The following OR6B1 variants were observed in gnomAD, a reference collection of about 807,000 sequenced individuals.
The protein encoded by OR6B1 is olfactory receptor 6B1.
In OR6B1, 15 loss-of-function variants were observed where a neutral mutation model predicts 15.4. The observed-to-expected ratio is 0.97, with a 90% confidence interval of 0.65 to 1.50. The LOEUF (loss-of-function observed/expected upper bound fraction) is 1.50, where lower values mean the gene tolerates loss of function less well. OR6B1 is among the 40% of genes most tolerant of loss of function. The probability of loss-of-function intolerance (pLI) is 0.00; values close to 1 mark genes in which losing one functional copy is unlikely to be tolerated. For synonymous variants in OR6B1, 139 were observed against 144.9 expected (o/e 0.96, Z 0.29); for missense variants, 384 against 385.0 (o/e 1.00, Z 0.02).
chr7:144,003,948 G>A (rs1222699685), intron 1 of OR6B1, 24 bp from the exon 2 acceptor site: 3 of 1,306,752 alleles, frequency 2.3e-6, no homozygotes, highest in Admixed American at 2.0e-5. Context: ...CATGGAGTCT[G>A]ATCAAATGAT....
chr7:144,000,914 T>C lies in OR6B1; in HGVS notation c.-26+264T>C, dbSNP rs144734054. Among the ~76,000 whole-genome samples, 150 of 152,278 alleles carry C rather than the reference T, an allele frequency of 9.9e-4. 1 individual carries two copies. Among genetic ancestry groups the C allele is most frequent in the African/African-American group, 3.3e-3 (136 of 41,560 alleles). ...GGGATCAAAAATTAGTGCCCCAGAT[T>C]ATGATCCCAAACTTTAGATCCCTAC... On this transcript the variant is annotated intron_variant, in intron 1 of 1. Transcript: ENST00000641698.
At chr7:144,003,450 G>A (rs1308288798) in intron 1 of OR6B1, among the ~76,000 whole-genome samples, 3 of 152,064 alleles carry the variant, frequency 2.0e-5, no homozygotes, top group African/African-American at 4.8e-5. Context: ...CCAAATCTCT[G>A]CTACTCACTT....
intron 1 of OR6B1, among the ~76,000 whole-genome samples, chr7:144,001,605 A>G (rs1465029613): frequency 1.3e-5 from 2 of 152,216 alleles, no homozygotes; most frequent in African/African-American, 4.8e-5. Context: ...CTGCTGACAA[A>G]CAGTGATTAC....
Position 144,004,536 on chromosome 7 carries a change from CATCTCTCCAGTACTTA to C in OR6B1, c.549_564del (p.Val184AlafsTer6). 1 of 1,614,236 alleles carries C rather than the reference CATCTCTCCAGTACTTA, an allele frequency of 6.2e-7. No homozygotes were observed. The highest frequency in any genetic ancestry group is 8.5e-7 in the Non-Finnish European group (1 of 1,180,042). ...ATGTCATCAACCACTTCTTCTGTGA[CATCTCTCCAGTACTTA>C]ATCTCTCCTGCACAGACATGTCCAT... On this transcript the variant is annotated frameshift_variant, in exon 2 of 2. Transcript: ENST00000641698. LOFTEE classifies it high-confidence loss of function.
rs919361226 is a variant in OR6B1, at chr7:144,007,309, A to C, written c.*2377A>C. Reference sequence around the variant, plus strand: ...CAGAGAAAATAATGTATAGTGGATTACTGGTTAAATTCACATAGAAACAAG... The same window carrying C: ...CAGAGAAAATAATGTATAGTGGATTCCTGGTTAAATTCACATAGAAACAAG... On this transcript the variant is annotated 3_prime_UTR_variant, in exon 2 of 2. Transcript: ENST00000641698. 4 of 152,156 alleles carry C rather than the reference A, an allele frequency of 2.6e-5. No homozygotes were observed. The highest frequency in any genetic ancestry group is 1.3e-4 in the Admixed American group (2 of 15,280). 9.4% of individuals were successfully genotyped at this position (152,156 alleles called of 1,614,324 possible).
At position 144,003,973 on chromosome 7, in the gene OR6B1, A is replaced by G; in HGVS notation, c.-24A>G. 2 of 1,540,362 alleles carry G rather than the reference A, an allele frequency of 1.3e-6. No individual in the cohort carries two copies. Among genetic ancestry groups the G allele is most frequent in the Non-Finnish European group, 1.8e-6 (2 of 1,129,272 alleles). On this transcript the variant is annotated splice_region_variant and 5_prime_UTR_variant, in exon 2 of 2. Transcript: ENST00000641698. ...GATCAAATGATTTTTCCTCCCCAGG[A>G]GAGCTAAGCCCTGTGTCTCCAATAT...
At position 144,004,067 on chromosome 7, in the gene OR6B1, G is replaced by A. The variant is rs375787820; in HGVS notation, c.71G>A (p.Arg24Gln). The change falls in exon 2 of 2, where the codon CGG (arginine) becomes CAG (glutamine). Residue 24 changes from arginine to glutamine, a missense_variant. Coordinates refer to ENST00000641698, the MANE Select transcript of OR6B1 (RefSeq NM_001005281.3). Reference protein sequence around the residue: ...LVGFPGSLSMRAAMFLIFLVA... With the variant: ...LVGFPGSLSMQAAMFLIFLVA... ...GGATTCCCTGGGAGCTTGAGTATGCGGGCAGCCATGTTTCTGATATTCCTT... is the reference window on the plus strand; with the variant it reads ...GGATTCCCTGGGAGCTTGAGTATGCAGGCAGCCATGTTTCTGATATTCCTT... 55 of 1,613,872 alleles carry A rather than the reference G, an allele frequency of 3.4e-5. No individual in the cohort carries two copies. The highest frequency in any genetic ancestry group is 1.6e-4 in the Middle Eastern group (1 of 6,078).
chr7:144,003,144 C>CTTGG (rs2050595342), intron 1 of OR6B1, among the ~76,000 whole-genome samples: 2 of 152,144 alleles, frequency 1.3e-5, no homozygotes, highest in Admixed American at 6.6e-5. Context: ...ATGGCTTTGC[C>CTTGG]TTGGATCACA....
chr7:144,005,345 C>G lies in OR6B1; in HGVS notation c.*413C>G, dbSNP rs2050617670. On this transcript the variant is annotated 3_prime_UTR_variant, in exon 2 of 2. Transcript: ENST00000641698. ...GAGGTAGCAACTCCCTCAACAGTCT[C>G]ATTCTTGATGTTCTGGGAGTGAATT... 6.2e-6 allele frequency: 1 copy of G among 160,030 alleles called. No individual in the cohort carries two copies. The highest frequency in any genetic ancestry group is 6.2e-5 in the Admixed American group (1 of 16,164). The allele number at this position is 160,030 out of a possible 1,614,324, so 9.9% of individuals were successfully genotyped here. A position where few individuals can be genotyped will look rare whatever the true frequency, so the allele number is the denominator to read the frequency against.
At chr7:144,003,773 T>TCTCACACACACACA (rs1554405844) in intron 1 of OR6B1, among the ~76,000 whole-genome samples, 199 bp from the exon 2 acceptor site, 6 of 140,128 alleles carry the variant, frequency 4.3e-5, no homozygotes, top group African/African-American at 1.6e-4. Flanking sequence ...ACAGATACAA[T>TCTCACACACACACA]CACACACACA....
At position 144,005,003 on chromosome 7, in the gene OR6B1, A is replaced by C; in HGVS notation, c.*71A>C. 5 of 1,091,372 alleles carry C rather than the reference A, an allele frequency of 4.6e-6. No individual in the cohort carries two copies. Among genetic ancestry groups the C allele is most frequent in the Non-Finnish European group, 5.2e-6 (4 of 768,212 alleles). The allele number at this position is 1,091,372 out of a possible 1,614,324, so 67.6% of individuals were successfully genotyped here. ...TGTCTTCCTCCATCCTTTCTCCTTT[A>C]ACGACTCAGTTAGGACACTGCCCAT... On this transcript the variant is annotated 3_prime_UTR_variant, in exon 2 of 2. Transcript: ENST00000641698.
chr7:144,008,307 A>G lies in OR6B1; in HGVS notation c.*3375A>G, dbSNP rs1298138418. The G allele has an allele frequency of 1.3e-5, 2 of 152,172 alleles. No individual in the cohort carries two copies. The highest frequency in any genetic ancestry group is 2.9e-5 in the Non-Finnish European group (2 of 68,064). 9.4% of individuals were successfully genotyped at this position (152,172 alleles called of 1,614,324 possible). ...CACAGAATCACCAAGTGAGGAAGAA[A>G]TGTTTGAGCAAAAACCTGGAGAAGC... On this transcript the variant is annotated 3_prime_UTR_variant, in exon 2 of 2. Coordinates refer to ENST00000641698, the MANE Select transcript of OR6B1 (RefSeq NM_001005281.3).
Position 144,006,288 on chromosome 7 carries a change from C to A in OR6B1, c.*1356C>A, listed in dbSNP as rs2050623694. 6.6e-6 allele frequency: 1 copy of A among 152,060 alleles called. No individual in the cohort carries two copies. Among genetic ancestry groups the A allele is most frequent in the African/African-American group, 2.4e-5 (1 of 41,388 alleles). 9.4% of individuals were successfully genotyped at this position (152,060 alleles called of 1,614,324 possible). On this transcript the variant is annotated 3_prime_UTR_variant, in exon 2 of 2. Transcript: ENST00000641698. ...TCTTTCTCTAGTGAATGGGCTCTCC[C>A]TAGAGAGAAAACATACTTCTTTAGA... is the stretch of plus-strand genomic sequence containing the variant.
Position 144,006,072 on chromosome 7 carries a change from CT to C in OR6B1, c.*1144del, listed in dbSNP as rs1448211537. ...GGAGAGTTTCTTGCATTAATAACAT[CT>C]TTTAGCTAAGAACAAACCACACTTT... On this transcript the variant is annotated 3_prime_UTR_variant, in exon 2 of 2. Transcript: ENST00000641698. The C allele has an allele frequency of 6.6e-6, 1 of 152,206 alleles. No individual in the cohort carries two copies. The highest frequency in any genetic ancestry group is 1.9e-4 in the East Asian group (1 of 5,200). 9.4% of individuals were successfully genotyped at this position (152,206 alleles called of 1,614,324 possible). A position where few individuals can be genotyped will look rare whatever the true frequency, so the allele number is the denominator to read the frequency against.
At position 144,007,674 on chromosome 7, in the gene OR6B1, TTGTGTGTGTG is replaced by T. The variant is rs1554406245; in HGVS notation, c.*2756_*2765del. The T allele has an allele frequency of 6.7e-6, 1 of 149,736 alleles. No homozygotes were observed. The highest frequency in any genetic ancestry group is 1.5e-5 in the Non-Finnish European group (1 of 67,246). 9.3% of individuals were successfully genotyped at this position (149,736 alleles called of 1,614,324 possible). On this transcript the variant is annotated 3_prime_UTR_variant, in exon 2 of 2. Coordinates refer to ENST00000641698, the MANE Select transcript of OR6B1 (RefSeq NM_001005281.3). ...CAGAAACAGATAGCAGATAATACCT[TTGTGTGTGTG>T]TGTGTGTGTGTGTATACATATATAT...
intron 1 of OR6B1, 172 bp from the exon 2 acceptor site, chr7:144,003,800 C>CACACAT (rs1332485948): frequency 8.4e-6 from 5 of 592,940 alleles, no homozygotes; most frequent in Non-Finnish European, 1.5e-5. Flanking sequence ...CACACACACA[C>CACACAT]ACACACACAC....
In OR6B1 at chr7:144,004,802, A is replaced by G; in HGVS notation, c.806A>G (p.Asn269Ser). ...RPRVIHAFNM[N>S]KIISIFYAIV... ...CGAGTTATCCATGCCTTCAACATGA[A>G]CAAAATTATTTCCATCTTCTATGCC... Residue 269 changes from asparagine (N) to serine (S), a missense_variant, in exon 2 of 2, where the codon AAC (asparagine) becomes AGC (serine). Coordinates refer to ENST00000641698, the MANE Select transcript of OR6B1 (RefSeq NM_001005281.3). The G allele has an allele frequency of 6.2e-7, 1 of 1,614,050 alleles. No individual in the cohort carries two copies. Among genetic ancestry groups the G allele is most frequent in the Non-Finnish European group, 8.5e-7 (1 of 1,180,002 alleles).
rs150452137 is a variant in OR6B1 at position 144,007,674 on chromosome 7, T to TTCTG, written c.*2743_*2744insCTGT. 52,151 of 149,702 alleles carry TTCTG rather than the reference T, an allele frequency of 0.35. 9,329 individuals carry two copies. Among genetic ancestry groups the TTCTG allele is most frequent in the East Asian group, 0.55 (2,831 of 5,120 alleles). The allele number at this position is 149,702 out of a possible 1,614,324, so 9.3% of individuals were successfully genotyped here. A position where few individuals can be genotyped will look rare whatever the true frequency, so the allele number is the denominator to read the frequency against. On this transcript the variant is annotated 3_prime_UTR_variant, in exon 2 of 2. Coordinates refer to ENST00000641698, the MANE Select transcript of OR6B1 (RefSeq NM_001005281.3). ...CAGAAACAGATAGCAGATAATACCT[T>TTCTG]TGTGTGTGTGTGTGTGTGTGTGTAT... is the stretch of plus-strand genomic sequence containing the variant.
rs1448756400 is a variant in OR6B1, at chr7:144,006,803, CT to C, written c.*1875del. ...TGTGACCTTGGCCAAACCATCTATACTTTTGGAAACACTGAGTCTTTATGTG... is the reference window on the plus strand; with the variant it reads ...TGTGACCTTGGCCAAACCATCTATACTTTGGAAACACTGAGTCTTTATGTG... On this transcript the variant is annotated 3_prime_UTR_variant, in exon 2 of 2. Transcript: ENST00000641698. 6.6e-6 allele frequency: 1 copy of C among 152,182 alleles called. No homozygotes were observed. Among genetic ancestry groups the C allele is most frequent in the Non-Finnish European group, 1.5e-5 (1 of 68,026 alleles). 9.4% of individuals were successfully genotyped at this position (152,182 alleles called of 1,614,324 possible). A position where few individuals can be genotyped will look rare whatever the true frequency, so the allele number is the denominator to read the frequency against.
Sources: gnomAD v4.1 joint callset for allele counts (sites outside exome capture counted in the v4.1 genomes callset) on GRCh38, gnomAD v4.1.1 for gene constraint, MANE v1.5 for transcripts, NCBI Gene and HGNC (gene_info 2026-07-23, HGNC 2026-07-21) for gene names.